The following MIB2 variants were observed in gnomAD, a reference collection of about 807,000 sequenced individuals.
The protein encoded by MIB2 is MIB E3 ubiquitin protein ligase 2, also known as E3 ubiquitin-protein ligase MIB2.
In MIB2, 78 loss-of-function variants were observed where a neutral mutation model predicts 96.6. That is an observed-to-expected ratio of 0.81 (90% CI 0.67 to 0.97). The LOEUF (loss-of-function observed/expected upper bound fraction) is 0.97, where lower values mean the gene tolerates loss of function less well. Among genes scored for constraint, MIB2 ranks in the 50% least tolerant of loss-of-function variants. MIB2 has a pLI of 0.00. For synonymous variants in MIB2, 820 were observed against 629.5 expected (o/e 1.30, Z -4.53); for missense variants, 1,543 against 1,424.0 (o/e 1.08, Z -1.35).
rs1239238704 is a variant in MIB2 at position 1,628,517 on chromosome 1, G to A, written c.1997G>A (p.Arg666Gln). 1.9e-5 allele frequency: 30 copies of A among 1,600,508 alleles called. No individual in the cohort carries two copies. The highest frequency in any genetic ancestry group is 2.4e-5 in the Non-Finnish European group (28 of 1,178,224). Reference protein sequence around the residue: ...EGRCDVNVRNRKLQSPLHLAV... With the variant: ...EGRCDVNVRNQKLQSPLHLAV... ...CGCTGTGACGTGAACGTGCGCAACC[G>A]GAAGCTGCAGTCCCCGCTGCATCTC... The change falls in exon 16 of 20, where the codon CGG becomes CAG. Residue 666 changes from arginine to glutamine, a missense_variant. Arg to Gln is a conservative substitution (Grantham distance 43, BLOSUM62 1). Transcript: ENST00000355826.
upstream of MIB2, chr1:1,615,230 A>G (rs1275673519): frequency 4.8e-5 from 38 of 799,740 alleles, 1 homozygote; most frequent in Non-Finnish European, 6.2e-5. Context: ...GGAGTCGGAA[A>G]GAGGTGGCTG....
rs1463181478 is a variant in MIB2 at position 1,629,622 on chromosome 1, C to T, written c.2564-17C>T. On this transcript the variant is annotated splice_polypyrimidine_tract_variant and intron_variant, in intron 18 of 19. Transcript: ENST00000355826. Reference sequence around the variant, plus strand: ...CGGCTAGTAGGGCCGCAGCCAACCGCGCTCTCCTCTTCGCAGAGTGCGCGC... The same window carrying T: ...CGGCTAGTAGGGCCGCAGCCAACCGTGCTCTCCTCTTCGCAGAGTGCGCGC... The T allele has an allele frequency of 1.9e-6, 3 of 1,577,342 alleles. No individual in the cohort carries two copies. The highest frequency in any genetic ancestry group is 2.6e-6 in the Non-Finnish European group (3 of 1,162,424).
At chr1:1,617,731 CCAA>C (rs1488138193) in intron 2 of MIB2, 2 of 152,150 alleles carry the variant, frequency 1.3e-5, no homozygotes, top group African/African-American at 4.8e-5. Context: ...TTCCGATTTG[CCAA>C]AGCACATCTG....
chr1:1,615,499 C>A (rs896975484), upstream of MIB2: 3 of 1,527,792 alleles, frequency 2.0e-6, no homozygotes, highest in Non-Finnish European at 2.6e-6. Context: ...CCTGGGCTCC[C>A]GCCCTTCGGG....
In MIB2 at chr1:1,623,812, A is replaced by C. The variant is rs761194277; in HGVS notation, c.286A>C (p.Lys96Gln). The C allele has an allele frequency of 1.9e-6, 3 of 1,609,492 alleles. No homozygotes were observed. Among genetic ancestry groups the C allele is most frequent in the African/African-American group, 1.3e-5 (1 of 74,814 alleles). The change falls in exon 4 of 20, where the codon AAG (lysine) becomes CAG (glutamine). Residue 96 changes from lysine to glutamine, a missense_variant. By Grantham distance (53) the Lys-to-Gln change is moderately conservative. Coordinates refer to ENST00000355826, the MANE Select transcript of MIB2 (RefSeq NM_001170687.4). Reference sequence around the variant, plus strand: ...CAACATCATCTGTGACTGCTGCAAGAAGCACGGGCTGCGGGGGATGCGCTG... The same window carrying C: ...CAACATCATCTGTGACTGCTGCAAGCAGCACGGGCTGCGGGGGATGCGCTG... Reference protein sequence around the residue: ...HPNIICDCCKKHGLRGMRWKC... With the variant: ...HPNIICDCCKQHGLRGMRWKC...
chr1:1,616,924 A>G, intron 2 of MIB2: 1 of 321,978 alleles, frequency 3.1e-6, no homozygotes, highest in South Asian at 3.0e-5. Context: ...GTTGCCTCAC[A>G]TGCAACAAGT....
At position 1,625,514 on chromosome 1, in the gene MIB2, C is replaced by T. The variant is rs755947728; in HGVS notation, c.865-32C>T. ...CCCCTTCCTCCCCAAGCGTCCAGCC[C>T]GACCCAGCCACAGCTCCATGACCCG... is the stretch of plus-strand genomic sequence containing the variant. On this transcript the variant is annotated intron_variant, in intron 7 of 19. Coordinates refer to ENST00000355826, the MANE Select transcript of MIB2 (RefSeq NM_001170687.4). This position sits in a 1 kb window ranked among gnomAD's most constrained non-coding sequence, Gnocchi z 5.0. 18 of 1,550,688 alleles carry T rather than the reference C, an allele frequency of 1.2e-5. No individual in the cohort carries two copies. The highest frequency in any genetic ancestry group is 1.7e-4 in the Middle Eastern group (1 of 6,014).
chr1:1,629,767 C>A (rs1638379800), intron 19 of MIB2, 63 bp downstream of exon 19: 1 of 1,446,118 alleles, frequency 6.9e-7, no homozygotes, highest in Non-Finnish European at 9.2e-7. Flanking sequence ...GGGTCCCCGT[C>A]CCCCACCCCT....
At chr1:1,628,975 C>T (rs1453162762) in intron 16 of MIB2, 158 bp from the exon 17 acceptor site, 2 of 806,194 alleles carry the variant, frequency 2.5e-6, no homozygotes, top group East Asian at 3.0e-5. Flanking sequence ...CCTAGCAGGG[C>T]GCCCCTCCTG....
chr1:1,614,764 C>T (rs1388038582), upstream of MIB2: 2 of 152,312 alleles, frequency 1.3e-5, no homozygotes, highest in African/African-American at 2.4e-5. Flanking sequence ...CGCCTATAAT[C>T]CCAGCACGTT....
At chr1:1,630,246 T>A in intron 19 of MIB2, 46 bp from the exon 20 acceptor site, 1 of 297,200 alleles carries the variant, frequency 3.4e-6, no homozygotes, top group Non-Finnish European at 5.0e-6. Context: ...GCTCCCCGCA[T>A]TCCCCCACCC....
intron 2 of MIB2, among the ~76,000 whole-genome samples, chr1:1,620,148 C>T (rs1372034514): frequency 1.3e-5 from 2 of 152,240 alleles, no homozygotes; most frequent in African/African-American, 2.4e-5. Context: ...GGCACCCTGC[C>T]CCTGTCTTTT....
chr1:1,629,186 C>A lies in MIB2; in HGVS notation c.2256C>A (p.Val752=). The A allele has an allele frequency of 6.6e-7, 1 of 1,510,430 alleles. No homozygotes were observed. Among genetic ancestry groups the A allele is most frequent in the South Asian group, 1.2e-5 (1 of 81,276 alleles). 93.6% of individuals were successfully genotyped at this position (1,510,430 alleles called of 1,614,324 possible). The change falls in exon 17 of 20, where the codon GTC becomes GTA. Residue 752 remains valine, a synonymous_variant. Coordinates refer to ENST00000355826, the MANE Select transcript of MIB2 (RefSeq NM_001170687.4). ...CGGAGCTGACGGTGGGCGCGGCGGT[C>A]GCCTGCTTCCTGGCGCTGGAGGGCG... ...GSAELTVGAA[V]ACFLALEGAD... is the part of the protein sequence containing the mutation.
chr1:1,626,735 G>A lies in MIB2; in HGVS notation c.1058G>A (p.Trp353Ter). ...CGGCTGCAGGCTGGGCATGGCGAGT[G>A]GACGGACGACATGGCCCCTGTGAGT... ...VKRLQAGHGE[W>*]TDDMAPALGR... is the part of the protein sequence containing the mutation. Residue 353 changes from tryptophan to a stop codon, truncating the protein, a stop_gained, in exon 9 of 20, where the codon TGG (tryptophan) becomes TAG (stop). Coordinates refer to ENST00000355826, the MANE Select transcript of MIB2 (RefSeq NM_001170687.4). LOFTEE classifies it high-confidence loss of function. This position sits in a 1 kb window ranked among gnomAD's most constrained non-coding sequence, Gnocchi z 5.3. The A allele has an allele frequency of 1.3e-6, 2 of 1,597,624 alleles. No homozygotes were observed. Among genetic ancestry groups the A allele is most frequent in the South Asian group, 2.2e-5 (2 of 89,302 alleles).
chr1:1,629,574 G>A lies in MIB2; in HGVS notation c.2563+8G>A. On this transcript the variant is annotated splice_region_variant and intron_variant, in intron 18 of 19. Transcript: ENST00000355826. ...ACCGCACCGTGTGTGAGGGTGAGTG[G>A]GGGGCCCCGGGGTGGGGAGGCCCGG... The A allele has an allele frequency of 1.3e-6, 2 of 1,491,500 alleles. No homozygotes were observed. Among genetic ancestry groups the A allele is most frequent in the East Asian group, 2.5e-5 (1 of 40,592 alleles). 92.4% of individuals were successfully genotyped at this position (1,491,500 alleles called of 1,614,324 possible).
chr1:1,615,268 C>G (rs570885562), upstream of MIB2: 4 of 1,197,018 alleles, frequency 3.3e-6, no homozygotes, highest in South Asian at 1.8e-5. Flanking sequence ...CCAGTGCCAG[C>G]GAGCGCGACG....
intron 2 of MIB2, among the ~76,000 whole-genome samples, chr1:1,621,197 G>T (rs1000071654): frequency 1.3e-5 from 2 of 152,258 alleles, no homozygotes; most frequent in Admixed American, 1.3e-4. Context: ...CCCGCGAGGG[G>T]AATAGTGCCA....
chr1:1,614,653 T>G (rs1643435745), upstream of MIB2: 6 of 152,160 alleles, frequency 3.9e-5, no homozygotes. Flanking sequence ...CAGGACCACG[T>G]GAGGGGTGCA....
intron 1 of MIB2, 166 bp downstream of exon 1, chr1:1,615,799 C>T: frequency 1.5e-6 from 2 of 1,318,552 alleles, no homozygotes; most frequent in Non-Finnish European, 1.9e-6. Context: ...GCTGCGCGCG[C>T]AGCGCCGCCG....
Sources: gnomAD v4.1 joint callset for allele counts (sites outside exome capture counted in the v4.1 genomes callset) on GRCh38, gnomAD v4.1.1 for gene constraint, Gnocchi (gnomAD v3.1) non-coding constraint, MANE v1.5 for transcripts, NCBI Gene and HGNC (gene_info 2026-07-23, HGNC 2026-07-21) for gene names.